Variants in TBC1D13 observed in about 807,000 individuals in gnomAD.
TBC1D13 encodes the protein epididymis secretory sperm binding protein.
Under a neutral mutation model 53.6 loss-of-function variants are expected in TBC1D13, and 40 were observed. The ratio of observed to expected loss-of-function variants is 0.75; its 90% CI spans 0.58 to 0.97. The LOEUF (loss-of-function observed/expected upper bound fraction) is 0.97, where lower values mean the gene tolerates loss of function less well. TBC1D13 is among the 50% of genes least tolerant of loss of function. The probability of loss-of-function intolerance (pLI) is 0.00; values close to 1 mark genes in which losing one functional copy is unlikely to be tolerated. For missense variants in TBC1D13, 377 were observed against 499.4 expected (o/e 0.75, Z 2.34); for synonymous variants, 182 against 197.7 (o/e 0.92, Z 0.67).
chr9:128,804,230 T>A, intron 9 of TBC1D13, 111 bp downstream of exon 9: 1 of 1,248,200 alleles, frequency 8.0e-7, no homozygotes, highest in Non-Finnish European at 1.1e-6. Flanking sequence ...AAGTAGCTGC[T>A]GCTGCTGCTG....
At chr9:128,805,826 T>C (rs777745446) in intron 9 of TBC1D13, 33 bp from the exon 10 acceptor site, 2 of 1,603,312 alleles carry the variant, frequency 1.2e-6, no homozygotes, top group Non-Finnish European at 8.5e-7. Flanking sequence ...CAACACAGAG[T>C]CATGCCCCCC....
intron 6 of TBC1D13, 78 bp from the exon 7 acceptor site, chr9:128,796,977 C>T: frequency 1.3e-6 from 2 of 1,524,054 alleles, no homozygotes; most frequent in East Asian, 4.5e-5. Context: ...TTTGGGGAGT[C>T]TTGGGGTCTC....
chr9:128,787,926 A>G (rs765614661), intron 1 of TBC1D13, among the ~76,000 whole-genome samples: 3 of 152,086 alleles, frequency 2.0e-5, no homozygotes, highest in Non-Finnish European at 2.9e-5. Context: ...CATTGTCTGC[A>G]TATCAAATTA....
chr9:128,789,294 C>A (rs1051665710), intron 2 of TBC1D13, among the ~76,000 whole-genome samples: 2 of 116,278 alleles, frequency 1.7e-5, no homozygotes, highest in African/African-American at 7.0e-5. Flanking sequence ...CCAGCCTGGG[C>A]GACAAGAGTG....
At chr9:128,791,955 C>T (rs1829541026) in intron 5 of TBC1D13, among the ~76,000 whole-genome samples, 1 of 152,214 alleles carries the variant, frequency 6.6e-6, no homozygotes, top group African/African-American at 2.4e-5. Context: ...TATTTCAACC[C>T]TCATCCCTGT....
chr9:128,798,725 T>C (rs1829680366), intron 7 of TBC1D13, among the ~76,000 whole-genome samples: 1 of 152,172 alleles, frequency 6.6e-6, no homozygotes, highest in Non-Finnish European at 1.5e-5. Context: ...ACCCCCTACT[T>C]TGGTCTCTGG....
At chr9:128,797,014 C>T in intron 6 of TBC1D13, 41 bp from the exon 7 acceptor site, 1 of 1,607,592 alleles carries the variant, frequency 6.2e-7, no homozygotes, top group Non-Finnish European at 8.5e-7. Flanking sequence ...CGAAAACTTC[C>T]ACCTTGAGTA....
At chr9:128,793,495 C>T (rs1451637677) in intron 6 of TBC1D13, among the ~76,000 whole-genome samples, 3 of 152,116 alleles carry the variant, frequency 2.0e-5, no homozygotes, top group African/African-American at 4.8e-5. Flanking sequence ...GTTTCCATTC[C>T]GCATTTACCA....
At chr9:128,807,641 C>T (rs968144880) in intron 11 of TBC1D13, among the ~76,000 whole-genome samples, 173 bp from the exon 12 acceptor site, 41 of 152,146 alleles carry the variant, frequency 2.7e-4, no homozygotes, top group Non-Finnish European at 7.3e-5. Context: ...CATGGTGTAG[C>T]GTCAGCTGCA....
intron 7 of TBC1D13, 22 bp downstream of exon 7, chr9:128,797,236 C>T: frequency 3.1e-6 from 5 of 1,612,728 alleles, no homozygotes; most frequent in Non-Finnish European, 2.5e-6. Context: ...CCTGGGGTCC[C>T]CAGGGACTCC....
chr9:128,795,437 CTTTTTTTTTTTTTTTTTTTTTTTTTTT>C (rs539392878), intron 6 of TBC1D13, among the ~76,000 whole-genome samples: 1 of 57,760 alleles, frequency 1.7e-5, no homozygotes, highest in African/African-American at 7.4e-5. Context: ...TGGTCACCAT[CTTTTTTTTTTTTTTTTTTTTTTTTTTT>C]TTTTTTTTTT....
At position 128,809,721 on chromosome 9, in the gene TBC1D13, C is replaced by T. The variant is rs1288924059; in HGVS notation, c.*1842C>T. ...AAGATCAAAGTCAGCCTCTTCTCCC[C>T]ATGCTTCTAGGAACTGCCTGGTTTT... is the stretch of plus-strand genomic sequence containing the variant. On this transcript the variant is annotated 3_prime_UTR_variant, in exon 12 of 12. Transcript: ENST00000372648. The T allele has an allele frequency of 6.6e-6, 1 of 152,294 alleles. No individual in the cohort carries two copies. Among genetic ancestry groups the T allele is most frequent in the East Asian group, 1.9e-4 (1 of 5,192 alleles). 9.4% of individuals were successfully genotyped at this position (152,294 alleles called of 1,614,324 possible).
chr9:128,788,209 A>T, intron 1 of TBC1D13, 125 bp from the exon 2 acceptor site: 1 of 778,700 alleles, frequency 1.3e-6, no homozygotes, highest in Non-Finnish European at 2.2e-6. Flanking sequence ...AAGCTGTGTG[A>T]TTTTTATGTC....
chr9:128,799,501 G>A (rs970683796), intron 7 of TBC1D13, among the ~76,000 whole-genome samples: 37 of 152,128 alleles, frequency 2.4e-4, no homozygotes, highest in Non-Finnish European at 3.1e-4. Context: ...AGAAAGCCCT[G>A]GGCATCCTCA....
chr9:128,788,208 G>C, intron 1 of TBC1D13, 126 bp from the exon 2 acceptor site: 8 of 770,244 alleles, frequency 1.0e-5, no homozygotes, highest in Non-Finnish European at 1.8e-5. Flanking sequence ...TAAGCTGTGT[G>C]ATTTTTATGT....
chr9:128,795,213 C>T (rs1470295156), intron 6 of TBC1D13, among the ~76,000 whole-genome samples: 1 of 150,110 alleles, frequency 6.7e-6, no homozygotes, highest in African/African-American at 2.4e-5. Flanking sequence ...TGCCACCACA[C>T]CCAGCTAATT....
rs1829533422 is a variant in TBC1D13 at position 128,791,578 on chromosome 9, C to T, written c.201-16C>T. The T allele has an allele frequency of 1.2e-6, 2 of 1,613,856 alleles. No homozygotes were observed. The highest frequency in any genetic ancestry group is 8.5e-7 in the Non-Finnish European group (1 of 1,179,724). ...CAGGACCGTTGGGAATCATCCTTCT[C>T]ACTTGTCTCCTGCAGGGAGCTGTAT... On this transcript the variant is annotated splice_polypyrimidine_tract_variant and intron_variant, in intron 4 of 11. Coordinates refer to ENST00000372648, the MANE Select transcript of TBC1D13 (RefSeq NM_018201.5).
At position 128,804,130 on chromosome 9, in the gene TBC1D13, C is replaced by T. The variant is rs372130860; in HGVS notation, c.918+11C>T. ...CTCTACCTGAAACTGGTGAGGACCCCAGGAACAGACGGGTGGAAAGGGACA... is the reference window on the plus strand; with the variant it reads ...CTCTACCTGAAACTGGTGAGGACCCTAGGAACAGACGGGTGGAAAGGGACA... On this transcript the variant is annotated intron_variant, in intron 9 of 11. Transcript: ENST00000372648. 6.2e-7 allele frequency: 1 copy of T among 1,612,918 alleles called. No homozygotes were observed. The highest frequency in any genetic ancestry group is 1.3e-5 in the African/African-American group (1 of 74,884).
rs935799917 is a variant in TBC1D13, at chr9:128,803,164, C to T, written c.544-86C>T. 4.0e-6 allele frequency: 5 copies of T among 1,263,358 alleles called. No homozygotes were observed. In the African/African-American group the frequency reaches 6.0e-5, roughly 15 times the overall value. 78.3% of individuals were successfully genotyped at this position (1,263,358 alleles called of 1,614,324 possible). On this transcript the variant is annotated intron_variant, in intron 7 of 11. Transcript: ENST00000372648. ...GACCACTGGGGCTCAGCTCCCACCT[C>T]AGCCTCCCAAAGTGCTGGGATTTCA...
Sources: allele counts gnomAD v4.1 joint callset (sites outside exome capture counted in the v4.1 genomes callset), GRCh38; gene constraint gnomAD v4.1.1; transcripts MANE v1.5; gene names NCBI Gene and HGNC (gene_info 2026-07-23, HGNC 2026-07-21).